The following RAP1GDS1 variants were observed in gnomAD, a reference collection of about 807,000 sequenced individuals.
RAP1GDS1 encodes the protein RAP1, GTP-GDP dissociation stimulator 1.
In RAP1GDS1, 35 loss-of-function variants were observed where a neutral mutation model predicts 71.1. The observed-to-expected ratio is 0.49, with a 90% CI of 0.38 to 0.65. RAP1GDS1 has a LOEUF of 0.65. Among genes scored for constraint, RAP1GDS1 ranks in the 30% least tolerant of loss-of-function variants. The pLI is 0.00. For missense variants in RAP1GDS1, 663 were observed against 706.1 expected (o/e 0.94, Z 0.69); for synonymous variants, 229 against 243.1 (o/e 0.94, Z 0.54).
chr4:98,321,730 G>A (rs1256268829), intron 2 of RAP1GDS1, among the ~76,000 whole-genome samples: 2 of 115,400 alleles, frequency 1.7e-5, no homozygotes, highest in Non-Finnish European at 3.5e-5. Flanking sequence ...GAGAGATTTT[G>A]TCACCACCAG....
intron 2 of RAP1GDS1, among the ~76,000 whole-genome samples, chr4:98,295,074 CAA>C (rs1293337021): frequency 6.6e-6 from 1 of 151,136 alleles, no homozygotes; most frequent in African/African-American, 2.4e-5. Flanking sequence ...GACTGGAAGA[CAA>C]AGAGATGAAG....
At chr4:98,435,933 C>T (rs1473954519) in intron 13 of RAP1GDS1, among the ~76,000 whole-genome samples, 3 of 151,302 alleles carry the variant, frequency 2.0e-5, no homozygotes, top group East Asian at 2.0e-4. Flanking sequence ...TAGCCGGGAG[C>T]GGTGGCGGGC....
intron 14 of RAP1GDS1, chr4:98,441,516 C>T: frequency 1.0e-6 from 1 of 983,634 alleles, no homozygotes; most frequent in Non-Finnish European, 1.2e-6. Context: ...TGTAACCAAA[C>T]CTTGAGATCA....
At chr4:98,425,786 A>G (rs754027158) in intron 12 of RAP1GDS1, among the ~76,000 whole-genome samples, 14 of 152,308 alleles carry the variant, frequency 9.2e-5, no homozygotes, top group South Asian at 2.1e-4. Flanking sequence ...GGAGACTTCA[A>G]TACTCCACTG....
At chr4:98,379,266 TC>T (rs2110105312) in intron 5 of RAP1GDS1, 103 bp downstream of exon 5, 1 of 1,124,300 alleles carries the variant, frequency 8.9e-7, no homozygotes, top group East Asian at 2.8e-5. Flanking sequence ...AACAAAGAAT[TC>T]GTAAGTGGCA....
At chr4:98,349,551 T>C (rs371950011) in intron 3 of RAP1GDS1, among the ~76,000 whole-genome samples, 1 of 152,194 alleles carries the variant, frequency 6.6e-6, no homozygotes, top group Non-Finnish European at 1.5e-5. Context: ...TATAAATTAC[T>C]TTGGGCAGTA....
At chr4:98,416,974 C>T in intron 8 of RAP1GDS1, 86 bp downstream of exon 8, 1 of 1,409,180 alleles carries the variant, frequency 7.1e-7, no homozygotes, top group Non-Finnish European at 9.7e-7. Context: ...CTACCCTAGA[C>T]ATTTTCTCAT....
intron 12 of RAP1GDS1, among the ~76,000 whole-genome samples, chr4:98,425,372 A>G (rs1749468217): frequency 6.6e-6 from 1 of 152,220 alleles, no homozygotes. Context: ...TGATGAATGG[A>G]ATAGTACCTC....
chr4:98,435,167 C>G (rs918132572), intron 13 of RAP1GDS1, among the ~76,000 whole-genome samples: 1 of 152,014 alleles, frequency 6.6e-6, no homozygotes, highest in Non-Finnish European at 1.5e-5. Flanking sequence ...TAACTGATAG[C>G]CTCTTAATTC....
intron 1 of RAP1GDS1, among the ~76,000 whole-genome samples, chr4:98,291,549 C>G (rs980816640): frequency 1.3e-5 from 2 of 151,984 alleles, no homozygotes. Context: ...TGTTTCTTAC[C>G]CAAGCTTAGA....
rs147721160 is a variant in RAP1GDS1 at position 98,333,191 on chromosome 4, T to C, written c.113-9948T>C. Among the ~76,000 whole-genome samples, 198 of 152,220 alleles carry C rather than the reference T, an allele frequency of 1.3e-3. 1 individual carries two copies. Among genetic ancestry groups the C allele is most frequent in the South Asian group, 4.1e-3 (20 of 4,832 alleles). ...TTTCTTATTTCCTTCTTAAATCATA[T>C]TTTGAAACAACCTTTAACCTCTGAA... On this transcript the variant is annotated intron_variant, in intron 2 of 14. Coordinates refer to ENST00000408927, the MANE Select transcript of RAP1GDS1 (RefSeq NM_001100427.2).
chr4:98,382,289 A>T (rs1376695974), intron 5 of RAP1GDS1, among the ~76,000 whole-genome samples: 2 of 151,804 alleles, frequency 1.3e-5, no homozygotes, highest in African/African-American at 4.8e-5. Flanking sequence ...AATAATGCAT[A>T]AATAAAATAA....
Position 98,358,603 on chromosome 4 carries a change from C to T in RAP1GDS1, c.361+6002C>T, listed in dbSNP as rs186509026. Reference sequence around the variant, plus strand: ...TCTTGAGACCAAAAACCATGTTTATCTCTGATTTTTGAGCCCATTATCAGT... The same window carrying T: ...TCTTGAGACCAAAAACCATGTTTATTTCTGATTTTTGAGCCCATTATCAGT... On this transcript the variant is annotated intron_variant, in intron 4 of 14. Transcript: ENST00000408927. Among the ~76,000 whole-genome samples, 257 of 152,024 alleles carry T rather than the reference C, an allele frequency of 1.7e-3. 1 individual carries two copies. The highest frequency in any genetic ancestry group is 3.1e-3 in the Non-Finnish European group (209 of 67,908).
Position 98,443,542 on chromosome 4 carries a change from T to C in RAP1GDS1, c.*1425T>C. The C allele has an allele frequency of 4.4e-6, 1 of 226,612 alleles. No individual in the cohort carries two copies. The highest frequency in any genetic ancestry group is 6.3e-5 in the East Asian group (1 of 15,776). 14.0% of individuals were successfully genotyped at this position (226,612 alleles called of 1,614,324 possible). On this transcript the variant is annotated 3_prime_UTR_variant, in exon 15 of 15. Coordinates refer to ENST00000408927, the MANE Select transcript of RAP1GDS1 (RefSeq NM_001100427.2). ...GAAAGGGCTGCCACGGAGGTGACAG[T>C]AGCTCCTTCCTCTCCAACATGTGAT...
chr4:98,312,180 T>C (rs1730327901), intron 2 of RAP1GDS1, among the ~76,000 whole-genome samples: 2 of 152,216 alleles, frequency 1.3e-5, no homozygotes, highest in Non-Finnish European at 2.9e-5. Context: ...AGCATTTTAA[T>C]AATAGTATCA....
chr4:98,435,987 C>T (rs1407814787), intron 13 of RAP1GDS1, among the ~76,000 whole-genome samples: 2 of 151,396 alleles, frequency 1.3e-5, no homozygotes, highest in East Asian at 3.9e-4. Flanking sequence ...AGGAGAATGG[C>T]GTGAACCCAG....
At chr4:98,304,768 C>T (rs1729091124) in intron 2 of RAP1GDS1, among the ~76,000 whole-genome samples, 1 of 151,996 alleles carries the variant, frequency 6.6e-6, no homozygotes, top group Non-Finnish European at 1.5e-5. Context: ...AATCTTTCCC[C>T]TTGTCTATGT....
At chr4:98,429,511 G>C (rs1305069806) in intron 12 of RAP1GDS1, among the ~76,000 whole-genome samples, 1 of 152,096 alleles carries the variant, frequency 6.6e-6, no homozygotes, top group Non-Finnish European at 1.5e-5. Context: ...GGGTGGGAAG[G>C]GGGTGAGGGA....
intron 4 of RAP1GDS1, among the ~76,000 whole-genome samples, chr4:98,377,278 A>G (rs1020779743): frequency 1.6e-4 from 25 of 152,066 alleles, no homozygotes; most frequent in Admixed American, 1.2e-3. Flanking sequence ...GAAGGTCTGA[A>G]CATTTAGATT....
Sources: allele counts gnomAD v4.1 joint callset (sites outside exome capture counted in the v4.1 genomes callset), GRCh38; gene constraint gnomAD v4.1.1; transcripts MANE v1.5; gene names NCBI Gene and HGNC (gene_info 2026-07-23, HGNC 2026-07-21).